FAM217A: variants seen among roughly 807,000 people sequenced by gnomAD.
The protein encoded by FAM217A is protein FAM217A.
In FAM217A, 13 loss-of-function variants were observed where a neutral mutation model predicts 18.5. The observed-to-expected ratio is 0.70, with a 90% CI of 0.46 to 1.12. FAM217A has a LOEUF of 1.12. FAM217A is among the 50% of genes most tolerant of loss of function. The pLI is 0.00. For synonymous variants in FAM217A, 161 were observed against 202.8 expected, an observed-to-expected ratio of 0.79 and a Z score of 1.75; for missense variants, 560 against 575.4, an observed-to-expected ratio of 0.97 and a Z score of 0.27.
intron 6 of FAM217A, among the ~76,000 whole-genome samples, chr6:4,072,108 C>T (rs994483922): frequency 1.8e-4 from 28 of 152,058 alleles, no homozygotes; most frequent in African/African-American, 5.1e-4. Flanking sequence ...TTTGGGAGGA[C>T]GAGGTGGGTG....
chr6:4,087,299 C>G, upstream of FAM217A: 1 of 1,234,086 alleles, frequency 8.1e-7, no homozygotes, highest in Non-Finnish European at 1.0e-6. Context: ...CCCCAAATGA[C>G]TTGGCAGGAT....
At chr6:4,080,773 C>A (rs189881435), upstream of FAM217A, among the ~76,000 whole-genome samples, 339 of 152,346 alleles carry the variant, frequency 2.2e-3, 2 homozygotes, top group African/African-American at 7.9e-3. Context: ...GGGCATACAT[C>A]ATTGTTACTC....
At chr6:4,076,783 G>A (rs1373271024) in intron 2 of FAM217A, among the ~76,000 whole-genome samples, 3 of 152,160 alleles carry the variant, frequency 2.0e-5, no homozygotes, top group Non-Finnish European at 2.9e-5. Flanking sequence ...CAGGAGAATC[G>A]CTTGAACCCG....
intron 1 of FAM217A, among the ~76,000 whole-genome samples, chr6:4,086,714 G>C (rs1770689551): frequency 6.6e-6 from 1 of 152,128 alleles, no homozygotes; most frequent in African/African-American, 2.4e-5. Context: ...AGCAATTATG[G>C]GGAACCTGGC....
upstream of FAM217A, among the ~76,000 whole-genome samples, chr6:4,080,214 T>C (rs1350435661): frequency 6.6e-6 from 1 of 152,204 alleles, no homozygotes; most frequent in East Asian, 1.9e-4. Flanking sequence ...CCTGACTCTT[T>C]CCTCTGCATT....
chr6:4,079,825 G>A, upstream of FAM217A: 1 of 316,740 alleles, frequency 3.2e-6, no homozygotes, highest in Non-Finnish European at 5.2e-6. Flanking sequence ...TCCGTCGTCG[G>A]CCTTTCAATA....
At chr6:4,085,535 A>C (rs1027593948) in intron 1 of FAM217A, among the ~76,000 whole-genome samples, 1 of 152,110 alleles carries the variant, frequency 6.6e-6, no homozygotes, top group Admixed American at 6.5e-5. Flanking sequence ...CTTCCTTGGC[A>C]TGTTGAATGG....
chr6:4,073,212 A>T, intron 6 of FAM217A, 63 bp downstream of exon 6: 1 of 1,225,848 alleles, frequency 8.2e-7, no homozygotes, highest in Non-Finnish European at 1.2e-6. Context: ...TCAAATAGTT[A>T]TCTCATGTGT....
At chr6:4,072,762 CAAAA>C (rs11307567) in intron 6 of FAM217A, among the ~76,000 whole-genome samples, 2 of 145,410 alleles carry the variant, frequency 1.4e-5, no homozygotes, top group Admixed American at 1.4e-4. Flanking sequence ...AACTCCGTCT[CAAAA>C]AAAAAAAAAC....
intron 6 of FAM217A, among the ~76,000 whole-genome samples, chr6:4,072,757 C>T (rs570067964): frequency 6.1e-4 from 35 of 57,556 alleles, no homozygotes; most frequent in African/African-American, 1.5e-3. Context: ...AGCAAAACTC[C>T]GTCTCAAAAA....
chr6:4,077,321 C>A, intron 2 of FAM217A, 34 bp downstream of exon 2: 2 of 1,611,624 alleles, frequency 1.2e-6, no homozygotes, highest in Non-Finnish European at 1.7e-6. Flanking sequence ...GGAGCCGCTG[C>A]CCAAACACTC....
chr6:4,079,761 A>G (rs1169504316), upstream of FAM217A: 1 of 843,304 alleles, frequency 1.2e-6, no homozygotes, highest in Non-Finnish European at 1.6e-6. Flanking sequence ...CAATATATTA[A>G]CATAGAAGAA....
At chr6:4,085,359 G>C (rs115418698) in intron 1 of FAM217A, among the ~76,000 whole-genome samples, 1,816 of 150,550 alleles carry the variant, frequency 0.012, 44 homozygotes, top group African/African-American at 0.043. Context: ...CCATCTGATA[G>C]TTTATTTAAA....
upstream of FAM217A, chr6:4,079,394 AAGGGGCCGCCCCCGGCCTC>A: frequency 3.2e-6 from 1 of 309,214 alleles, no homozygotes; most frequent in East Asian, 1.1e-4. Context: ...TCCTGGCCTG[AAGGGGCCGCCCCCGGCCTC>A]GCGGGAAAGC....
At chr6:4,076,190 G>A (rs976694576) in intron 2 of FAM217A, among the ~76,000 whole-genome samples, 7 of 151,960 alleles carry the variant, frequency 4.6e-5, no homozygotes, top group East Asian at 1.9e-4. Context: ...TTAGCTGGGC[G>A]TGGTGGTGGG....
chr6:4,071,004 A>G (rs2113857860), intron 6 of FAM217A, among the ~76,000 whole-genome samples: 1 of 152,258 alleles, frequency 6.6e-6, no homozygotes, highest in South Asian at 2.1e-4. Context: ...GCAAAAAAAA[A>G]AAGAGAAAAA....
At chr6:4,081,722 A>G (rs1190819930), upstream of FAM217A, among the ~76,000 whole-genome samples, 4 of 152,236 alleles carry the variant, frequency 2.6e-5, no homozygotes, top group East Asian at 5.8e-4. Context: ...ATTGGGGTAC[A>G]TGTATTTCCA....
upstream of FAM217A, among the ~76,000 whole-genome samples, chr6:4,083,555 T>A (rs547089919): frequency 6.8e-6 from 1 of 147,740 alleles, no homozygotes; most frequent in Non-Finnish European, 1.5e-5. Context: ...TTCTTTTCTT[T>A]TCTTTTTTTT....
chr6:4,073,325 G>T lies in FAM217A; in HGVS notation c.252C>A (p.Ile84=). ...QKSTQNSKQG[I]FQLWNCPLNE... is the part of the protein sequence containing the mutation. ...TAAGAGGACAATTCCATAATTGAAA[G>T]ATCCCTTGTTTACTATTCTGATGAC... Residue 84 remains isoleucine, a synonymous_variant, in exon 6 of 7, where the codon ATC becomes ATA. Coordinates refer to ENST00000274673, the MANE Select transcript of FAM217A (RefSeq NM_173563.3). The T allele has an allele frequency of 6.2e-7, 1 of 1,609,916 alleles. No individual in the cohort carries two copies. The highest frequency in any genetic ancestry group is 8.5e-7 in the Non-Finnish European group (1 of 1,178,870).
Sources: allele counts gnomAD v4.1 joint callset (sites outside exome capture counted in the v4.1 genomes callset), GRCh38; gene constraint gnomAD v4.1.1; transcripts MANE v1.5; gene names NCBI Gene and HGNC (gene_info 2026-07-23, HGNC 2026-07-21).